Variants in ITGBL1 observed in about 807,000 individuals in gnomAD.
ITGBL1 encodes the protein integrin subunit beta like 1.
A neutral mutation model predicts 68.5 loss-of-function variants in ITGBL1; 51 were observed. That is an observed-to-expected ratio of 0.74 (90% CI 0.59 to 0.94). The LOEUF is 0.94. Ranked by LOEUF, ITGBL1 falls within the 40% of genes least tolerant of loss-of-function variation. The pLI is 0.00. For synonymous variants in ITGBL1, 209 were observed against 227.3 expected (o/e 0.92, Z 0.72); for missense variants, 649 against 647.4 (o/e 1.00, Z -0.03).
chr13:101,591,387 A>G (rs1182980146), intron 6 of ITGBL1, among the ~76,000 whole-genome samples: 1 of 152,234 alleles, frequency 6.6e-6, no homozygotes, highest in Non-Finnish European at 1.5e-5. Flanking sequence ...GAGGTCTAGA[A>G]CAGATAATTA....
intron 7 of ITGBL1, among the ~76,000 whole-genome samples, chr13:101,650,814 C>T (rs988814234): frequency 1.3e-5 from 2 of 152,042 alleles, no homozygotes; most frequent in Admixed American, 6.5e-5. Context: ...TGACAGACCC[C>T]AGTGTGTGTT....
At chr13:101,708,827 C>A (rs2034321219) in intron 9 of ITGBL1, among the ~76,000 whole-genome samples, 1 of 152,238 alleles carries the variant, frequency 6.6e-6, no homozygotes. Flanking sequence ...TGCCATCAAC[C>A]TAATGTCATT....
chr13:101,519,630 G>A (rs1267607037), intron 2 of ITGBL1, among the ~76,000 whole-genome samples: 1 of 152,056 alleles, frequency 6.6e-6, no homozygotes, highest in Non-Finnish European at 1.5e-5. Context: ...GTAAATGCAT[G>A]CGTTTTTCCT....
intron 7 of ITGBL1, among the ~76,000 whole-genome samples, chr13:101,605,319 C>G (rs905810463): frequency 5.4e-5 from 1 of 18,516 alleles, no homozygotes; most frequent in Non-Finnish European, 1.0e-4. Context: ...TGTATATATG[C>G]ATATGCGTAT....
At chr13:101,632,804 G>C (rs1485884139) in intron 7 of ITGBL1, among the ~76,000 whole-genome samples, 1 of 152,172 alleles carries the variant, frequency 6.6e-6, no homozygotes, top group Non-Finnish European at 1.5e-5. Context: ...AAGAATGTTA[G>C]TCTTCTAAAA....
chr13:101,715,707 A>G lies in ITGBL1; in HGVS notation c.*53A>G, dbSNP rs1322045872. 1 of 1,114,806 alleles carries G rather than the reference A, an allele frequency of 9.0e-7. No individual in the cohort carries two copies. Among genetic ancestry groups the G allele is most frequent in the Non-Finnish European group, 1.4e-6 (1 of 724,940 alleles). The allele number at this position is 1,114,806 out of a possible 1,614,324, so 69.1% of individuals were successfully genotyped here. ...TATTTTTTCTGGGCCATTAGAACAG[A>G]TAAATGCGAAGGAAACCATGTATAT... On this transcript the variant is annotated 3_prime_UTR_variant, in exon 11 of 11. Coordinates refer to ENST00000376180, the MANE Select transcript of ITGBL1 (RefSeq NM_004791.3).
At chr13:101,496,545 G>GA (rs1466169189) in intron 2 of ITGBL1, among the ~76,000 whole-genome samples, 3 of 152,116 alleles carry the variant, frequency 2.0e-5, no homozygotes, top group East Asian at 1.9e-4. Context: ...CTCCTACAGA[G>GA]AAAAAATCTA....
intron 7 of ITGBL1, among the ~76,000 whole-genome samples, chr13:101,598,849 A>C (rs1165008872): frequency 6.6e-6 from 1 of 152,032 alleles, no homozygotes; most frequent in South Asian, 2.1e-4. Flanking sequence ...TGGACATTTG[A>C]GTTGGTTCCA....
intron 2 of ITGBL1, among the ~76,000 whole-genome samples, chr13:101,537,838 G>A (rs1334739306): frequency 6.6e-6 from 1 of 151,926 alleles, no homozygotes; most frequent in African/African-American, 2.4e-5. Context: ...GATCCACTGA[G>A]TTTTAGTCAT....
rs2034714828 is a variant in ITGBL1, at chr13:101,716,190, C to T, written c.*536C>T. On this transcript the variant is annotated 3_prime_UTR_variant, in exon 11 of 11. Transcript: ENST00000376180. ...TGCATATTCACATTAATTAATCGAT[C>T]AGATTTTTCCAGAATTCCGTATCAG... is the stretch of plus-strand genomic sequence containing the variant. 6.6e-6 allele frequency: 1 copy of T among 152,180 alleles called. No homozygotes were observed. Among genetic ancestry groups the T allele is most frequent in the Admixed American group, 6.5e-5 (1 of 15,272 alleles). 9.4% of individuals were successfully genotyped at this position (152,180 alleles called of 1,614,324 possible).
At chr13:101,689,253 G>A (rs1412394551) in intron 7 of ITGBL1, among the ~76,000 whole-genome samples, 2 of 112,096 alleles carry the variant, frequency 1.8e-5, no homozygotes, top group Non-Finnish European at 3.9e-5. Flanking sequence ...CACATAAGAA[G>A]CATAGTTAAT....
At chr13:101,556,085 G>A (rs953566303) in intron 2 of ITGBL1, among the ~76,000 whole-genome samples, 1 of 152,130 alleles carries the variant, frequency 6.6e-6, no homozygotes, top group Non-Finnish European at 1.5e-5. Context: ...TGTGCATACT[G>A]ACTTATTCCA....
intron 7 of ITGBL1, among the ~76,000 whole-genome samples, chr13:101,690,384 TA>T (rs1349592036): frequency 6.6e-6 from 1 of 152,176 alleles, no homozygotes; most frequent in African/African-American, 2.4e-5. Context: ...TACTTAAAAT[TA>T]CTTAAAATGT....
intron 7 of ITGBL1, among the ~76,000 whole-genome samples, chr13:101,638,281 A>T (rs575950721): frequency 6.6e-5 from 10 of 152,348 alleles, no homozygotes; most frequent in African/African-American, 2.4e-4. Context: ...TAGCATGTGC[A>T]TGACAAGTTG....
Position 101,604,887 on chromosome 13 carries a change from T to TATATATATGTATATATATATATACAC in ITGBL1, c.1015+6589_1015+6590insTATATATGTATATATATATATACACA. 9.5e-3 allele frequency among the ~76,000 whole-genome samples: 210 copies of TATATATATGTATATATATATATACAC among 22,160 alleles called. 20 individuals are homozygous for TATATATATGTATATATATATATACAC. The highest frequency in any genetic ancestry group is 0.013 in the East Asian group (5 of 396). The allele number at this position is 22,160 out of a possible 152,430, so 14.5% of individuals were successfully genotyped here. A position where few individuals can be genotyped will look rare whatever the true frequency, so the allele number is the denominator to read the frequency against. On this transcript the variant is annotated intron_variant, in intron 7 of 10. Coordinates refer to ENST00000376180, the MANE Select transcript of ITGBL1 (RefSeq NM_004791.3). ...ATATATATATATATATATATATATA[T>TATATATATGTATATATATATATACAC]ACACACACACACACATATATATGTG... is the stretch of plus-strand genomic sequence containing the variant.
At chr13:101,679,082 A>G (rs950742050) in intron 7 of ITGBL1, among the ~76,000 whole-genome samples, 4 of 151,340 alleles carry the variant, frequency 2.6e-5, no homozygotes, top group African/African-American at 9.7e-5. Context: ...AATTTTTTGT[A>G]TTTTTAGTAG....
intron 7 of ITGBL1, among the ~76,000 whole-genome samples, chr13:101,678,196 A>G (rs1489953684): frequency 1.3e-5 from 2 of 152,208 alleles, no homozygotes; most frequent in Non-Finnish European, 1.5e-5. Flanking sequence ...ACATTCTCAC[A>G]TATGTGTAAA....
At chr13:101,685,540 A>G (rs766031014) in intron 7 of ITGBL1, among the ~76,000 whole-genome samples, 6 of 152,070 alleles carry the variant, frequency 3.9e-5, no homozygotes, top group African/African-American at 1.4e-4. Flanking sequence ...AACTATAACA[A>G]TGGTTGTTAT....
chr13:101,718,776 AC>A (rs1315774253), downstream of ITGBL1: 1 of 150,272 alleles, frequency 6.7e-6, no homozygotes, highest in Non-Finnish European at 1.5e-5. Context: ...CTTAGTGAAA[AC>A]CAGGAAAAAA....
Sources: allele counts gnomAD v4.1 joint callset (sites outside exome capture counted in the v4.1 genomes callset), GRCh38; gene constraint gnomAD v4.1.1; transcripts MANE v1.5; gene names NCBI Gene and HGNC (gene_info 2026-07-23, HGNC 2026-07-21).